The following COPS3 variants were observed in gnomAD, a reference collection of about 807,000 sequenced individuals.
The protein encoded by COPS3 is COP9 signalosome subunit 3, also known as COP9 signalosome complex subunit 3.
COPS3 carries 10 observed loss-of-function variants against 58.2 expected under a neutral mutation model. That is an observed-to-expected ratio of 0.17 (90% confidence interval 0.11 to 0.29). The LOEUF (loss-of-function observed/expected upper bound fraction) is 0.29. Ranked by LOEUF, COPS3 falls within the 10% of genes least tolerant of loss-of-function variation. The pLI is 1.00. For missense variants in COPS3, 333 were observed against 510.1 expected, an observed-to-expected ratio of 0.65 and a Z score of 3.34; for synonymous variants, 187 against 181.7, an observed-to-expected ratio of 1.03 and a Z score of -0.24.
At chr17:17,272,879 A>G (rs577766015) in intron 2 of COPS3, among the ~76,000 whole-genome samples, 57 of 152,358 alleles carry the variant, frequency 3.7e-4, no homozygotes, top group Non-Finnish European at 6.9e-4. Context: ...TCCAGCCTAC[A>G]TGACAAAGTG....
chr17:17,274,139 T>C (rs1268023260), intron 2 of COPS3, among the ~76,000 whole-genome samples: 1 of 152,210 alleles, frequency 6.6e-6, no homozygotes, highest in Non-Finnish European at 1.5e-5. Flanking sequence ...ATATGTTAGA[T>C]AAGGTATGGA....
At chr17:17,252,403 C>G (rs1173599848) in intron 9 of COPS3, among the ~76,000 whole-genome samples, 3 of 152,102 alleles carry the variant, frequency 2.0e-5, no homozygotes, top group Non-Finnish European at 2.9e-5. Context: ...GTCCTGGGTA[C>G]AGATAACGCT....
At position 17,260,256 on chromosome 17, in the gene COPS3, C is replaced by A; in HGVS notation, c.936+45G>T. 4.4e-6 allele frequency: 7 copies of A among 1,588,970 alleles called. 1 individual carries two copies. Among genetic ancestry groups the A allele is most frequent in the Middle Eastern group, 3.4e-4 (2 of 5,962 alleles). The stretch of plus-strand genomic sequence containing the variant: ...AAGGGAGAGAAAGGGAAACATGGCC[C>A]CCAGGGGGTCAGGAGCTGCCCTGTG... On this transcript the variant is annotated intron_variant, in intron 8 of 11. Coordinates refer to ENST00000268717, the MANE Select transcript of COPS3 (RefSeq NM_003653.4).
chr17:17,254,829 A>G (rs776206580), intron 9 of COPS3, 30 bp downstream of exon 9: 27 of 1,414,288 alleles, frequency 1.9e-5, no homozygotes, highest in South Asian at 1.8e-4. Flanking sequence ...AAAAAAAAAA[A>G]AAAGAAAAAG....
intron 1 of COPS3, among the ~76,000 whole-genome samples, chr17:17,278,831 T>C (rs560851215): frequency 2.0e-4 from 31 of 152,038 alleles, no homozygotes; most frequent in African/African-American, 7.5e-4. Flanking sequence ...CAGAGTGCAT[T>C]TGAAATCAGT....
At position 17,260,411 on chromosome 17, in the gene COPS3, G is replaced by C. The variant is rs752579367; in HGVS notation, c.826C>G (p.Arg276Gly). 1 of 1,614,124 alleles carries C rather than the reference G, an allele frequency of 6.2e-7. No individual in the cohort carries two copies. The highest frequency in any genetic ancestry group is 1.3e-5 in the African/African-American group (1 of 75,026). Residue 276 changes from arginine to glycine, a missense_variant, in exon 8 of 12, where the codon CGA becomes GGA. Physicochemically the swap from Arg to Gly is moderately radical, Grantham distance 125. Coordinates refer to ENST00000268717, the MANE Select transcript of COPS3 (RefSeq NM_003653.4). ...TCACTGTGCTTATTCACCAGGTTTC[G>C]GAGTTCTGAGGGGTTGTTGGTTGAA... is the stretch of plus-strand genomic sequence containing the variant. ...VYSTNNPSEL[R>G]NLVNKHSETF...
At chr17:17,256,066 C>A (rs1178061897) in intron 8 of COPS3, among the ~76,000 whole-genome samples, 1 of 149,124 alleles carries the variant, frequency 6.7e-6, no homozygotes, top group Non-Finnish European at 1.5e-5. Flanking sequence ...GTAGTCCCAG[C>A]TACTTGGGAG....
chr17:17,248,488 A>AT (rs926081459), intron 10 of COPS3, among the ~76,000 whole-genome samples: 14 of 151,542 alleles, frequency 9.2e-5, no homozygotes, highest in African/African-American at 2.9e-4. Context: ...CTGATTTTTT[A>AT]TTTTTTTTAG....
intron 2 of COPS3, 53 bp from the exon 3 acceptor site, chr17:17,271,061 AC>A (rs1193110335): frequency 7.9e-7 from 1 of 1,263,382 alleles, no homozygotes; most frequent in Non-Finnish European, 1.2e-6. Flanking sequence ...GGGATAAAAT[AC>A]AGAAACAATG....
chr17:17,250,254 CTTTTTT>C lies in COPS3; in HGVS notation c.1024-1221_1024-1216del, dbSNP rs113179216. Among the ~76,000 whole-genome samples the C allele has an allele frequency of 6.3e-5, 8 of 127,640 alleles. No individual in the cohort carries two copies. In the East Asian group the frequency reaches 1.5e-3, roughly 25 times the overall value. 83.7% of individuals were successfully genotyped at this position (127,640 alleles called of 152,430 possible). On this transcript the variant is annotated intron_variant, in intron 9 of 11. Transcript: ENST00000268717. The stretch of plus-strand genomic sequence containing the variant: ...TGCACTGAAATATAACTTACATCGC[CTTTTTT>C]TTTTTTTTTTTTGAGATGGGGTCTC...
chr17:17,248,617 T>G (rs911125398), intron 10 of COPS3, among the ~76,000 whole-genome samples: 4 of 152,130 alleles, frequency 2.6e-5, no homozygotes, highest in Admixed American at 2.0e-4. Flanking sequence ...ACACCCAGCC[T>G]GGAAGAGTTT....
intron 5 of COPS3, among the ~76,000 whole-genome samples, chr17:17,266,578 C>T (rs888679530): frequency 6.6e-6 from 1 of 151,858 alleles, no homozygotes; most frequent in Non-Finnish European, 1.5e-5. Flanking sequence ...GTGGGCGGAT[C>T]GCTTGAAGTC....
chr17:17,249,744 G>A (rs1334876047), intron 9 of COPS3, among the ~76,000 whole-genome samples: 1 of 152,124 alleles, frequency 6.6e-6, no homozygotes, highest in African/African-American at 2.4e-5. Flanking sequence ...CATCCGCCTC[G>A]GCTTCCCAAA....
intron 4 of COPS3, among the ~76,000 whole-genome samples, chr17:17,270,347 G>A (rs868855897): frequency 3.5e-4 from 54 of 152,144 alleles, no homozygotes; most frequent in African/African-American, 1.2e-3. Flanking sequence ...AATAAGTGCG[G>A]TAAAATGTTA....
intron 2 of COPS3, among the ~76,000 whole-genome samples, chr17:17,275,078 G>A (rs1405099296): frequency 6.8e-6 from 1 of 147,780 alleles, no homozygotes; most frequent in Non-Finnish European, 1.5e-5. Flanking sequence ...TCTCAAAGCA[G>A]GAAAAGCAAC....
At chr17:17,275,923 C>T in intron 2 of COPS3, 112 bp downstream of exon 2, 1 of 1,050,288 alleles carries the variant, frequency 9.5e-7, no homozygotes, top group Non-Finnish European at 1.3e-6. Flanking sequence ...GCCTGGGTGA[C>T]AGAGCGAAAC....
rs1000406382 is a variant in COPS3, at chr17:17,276,130, C to G, written c.90G>C (p.Lys30Asn). Reference protein sequence around the residue: ...QMTQLCELINKSGELLAKNLS... With the variant: ...QMTQLCELINNSGELLAKNLS... The stretch of plus-strand genomic sequence containing the variant: ...AGTTCTTCGCAAGGAGTTCCCCACT[C>G]TTGTTGATCAGTTCACAAAGCTGTG... The change falls in exon 2 of 12, where the codon AAG becomes AAC. Residue 30 changes from lysine (K) to asparagine (N), a missense_variant. Physicochemically the swap from Lys to Asn is moderately conservative, Grantham distance 94 (BLOSUM62 0). Coordinates refer to ENST00000268717, the MANE Select transcript of COPS3 (RefSeq NM_003653.4). 1.2e-6 allele frequency: 2 copies of G among 1,614,038 alleles called. No homozygotes were observed. Among genetic ancestry groups the G allele is most frequent in the African/African-American group, 2.7e-5 (2 of 75,024 alleles).
At chr17:17,280,304 G>A (rs1389422500) in intron 1 of COPS3, among the ~76,000 whole-genome samples, 1 of 152,112 alleles carries the variant, frequency 6.6e-6, no homozygotes, top group Non-Finnish European at 1.5e-5. Context: ...TCGGGAGGCT[G>A]AGACAGGAGA....
At chr17:17,279,570 A>C (rs2048532048) in intron 1 of COPS3, among the ~76,000 whole-genome samples, 1 of 151,910 alleles carries the variant, frequency 6.6e-6, no homozygotes, top group Non-Finnish European at 1.5e-5. Context: ...ATATCAGACC[A>C]TTTGTCTTAC....
Sources: gnomAD v4.1 joint callset for allele counts (sites outside exome capture counted in the v4.1 genomes callset) on GRCh38, gnomAD v4.1.1 for gene constraint, MANE v1.5 for transcripts, NCBI Gene and HGNC (gene_info 2026-07-23, HGNC 2026-07-21) for gene names.